The following AMPH variants were observed in gnomAD, a reference collection of about 807,000 sequenced individuals.
AMPH encodes amphiphysin (Stiff-Mann syndrome with breast cancer 128kD autoantigen).
In AMPH, 49 loss-of-function variants were observed where a neutral mutation model predicts 99.1. That is an observed-to-expected ratio of 0.49 (90% CI 0.39 to 0.63). The LOEUF (loss-of-function observed/expected upper bound fraction) is 0.63, where lower values mean the gene tolerates loss of function less well. Ranked by LOEUF, AMPH falls within the 20% of genes least tolerant of loss-of-function variation. AMPH has a pLI of 0.00. For missense variants in AMPH, 759 were observed against 863.4 expected, an observed-to-expected ratio of 0.88 and a Z score of 1.52; for synonymous variants, 314 against 317.3, an observed-to-expected ratio of 0.99 and a Z score of 0.11.
chr7:38,600,536 T>C (rs938172930), intron 1 of AMPH, among the ~76,000 whole-genome samples: 2 of 152,232 alleles, frequency 1.3e-5, no homozygotes, highest in Non-Finnish European at 2.9e-5. Context: ...ATAACTTCTA[T>C]ATATCTATTG....
At chr7:38,588,409 G>A (rs1792741975) in intron 1 of AMPH, among the ~76,000 whole-genome samples, 1 of 151,960 alleles carries the variant, frequency 6.6e-6, no homozygotes, top group Admixed American at 6.6e-5. Flanking sequence ...TTAAATCTTG[G>A]TTTCCTAGAT....
intron 14 of AMPH, chr7:38,428,224 T>A (rs1785857752): frequency 3.3e-5 from 15 of 456,752 alleles, no homozygotes; most frequent in Non-Finnish European, 5.7e-5. Flanking sequence ...ATATCCAAAT[T>A]ATTCATTGCT....
intron 17 of AMPH, among the ~76,000 whole-genome samples, chr7:38,398,160 A>G (rs1784729246): frequency 6.8e-6 from 1 of 146,682 alleles, no homozygotes. Context: ...TGATCCAGCA[A>G]TCCCACTGCT....
intron 7 of AMPH, among the ~76,000 whole-genome samples, chr7:38,471,581 G>A (rs1327188060): frequency 6.6e-6 from 1 of 152,008 alleles, no homozygotes; most frequent in East Asian, 1.9e-4. Context: ...AAGACATAAG[G>A]CACACGAAGC....
At chr7:38,569,618 A>T (rs558760827) in intron 1 of AMPH, among the ~76,000 whole-genome samples, 61 of 152,200 alleles carry the variant, frequency 4.0e-4, no homozygotes, top group African/African-American at 1.3e-3. Context: ...TATATATATA[A>T]AATGAAAACA....
intron 1 of AMPH, among the ~76,000 whole-genome samples, chr7:38,627,246 T>C (rs1794283981): frequency 6.6e-6 from 1 of 151,908 alleles, no homozygotes; most frequent in Non-Finnish European, 1.5e-5. Flanking sequence ...AAGAGTTCTG[T>C]AAAAATGCTG....
intron 2 of AMPH, among the ~76,000 whole-genome samples, chr7:38,511,255 C>T (rs965038407): frequency 4.6e-5 from 7 of 152,120 alleles, no homozygotes; most frequent in African/African-American, 1.7e-4. Context: ...TTCATAAATG[C>T]TTGATTGACC....
At chr7:38,497,108 A>C (rs534829053) in intron 3 of AMPH, among the ~76,000 whole-genome samples, 11 of 152,310 alleles carry the variant, frequency 7.2e-5, no homozygotes, top group African/African-American at 2.6e-4. Context: ...TTTTGAGAAC[A>C]TCTACTCCAT....
chr7:38,425,457 A>G (rs1785749931), intron 15 of AMPH, among the ~76,000 whole-genome samples: 1 of 152,258 alleles, frequency 6.6e-6, no homozygotes, highest in African/African-American at 2.4e-5. Context: ...ATCAAAAGGC[A>G]AATAAATTAG....
At chr7:38,607,710 C>T (rs1793482658) in intron 1 of AMPH, among the ~76,000 whole-genome samples, 1 of 152,086 alleles carries the variant, frequency 6.6e-6, no homozygotes, top group African/African-American at 2.4e-5. Context: ...GCAGGGGGTC[C>T]AGATGCTATA....
At chr7:38,577,281 C>T (rs565373681) in intron 1 of AMPH, among the ~76,000 whole-genome samples, 5 of 152,256 alleles carry the variant, frequency 3.3e-5, no homozygotes, top group East Asian at 3.9e-4. Flanking sequence ...TGGAGTAAAT[C>T]GCCTTACTCC....
chr7:38,554,516 A>G (rs1791294865), intron 1 of AMPH, among the ~76,000 whole-genome samples: 1 of 152,240 alleles, frequency 6.6e-6, no homozygotes, highest in South Asian at 2.1e-4. Context: ...ATGCCCAAAG[A>G]TAAGACTACA....
chr7:38,482,904 C>A (rs893630514), intron 5 of AMPH, among the ~76,000 whole-genome samples: 25 of 152,098 alleles, frequency 1.6e-4, no homozygotes, highest in Non-Finnish European at 4.4e-5. Context: ...TCCTTCCCCA[C>A]AAACATACAG....
rs922416784 is a variant in AMPH, at chr7:38,624,948, GA to G, written c.69+6334del. The stretch of plus-strand genomic sequence containing the variant: ...GTCAGCAGAATGGAGGAAACTATAA[GA>G]AAAAAAAAAGTGTGCCTATACAGGA... On this transcript the variant is annotated intron_variant, in intron 1 of 20. Coordinates refer to ENST00000356264, the MANE Select transcript of AMPH (RefSeq NM_001635.4). 1.2e-4 allele frequency among the ~76,000 whole-genome samples: 18 copies of G among 147,872 alleles called. No homozygotes were observed. The South Asian group carries it at 1.7e-3, about 14-fold the overall frequency.
intron 1 of AMPH, among the ~76,000 whole-genome samples, chr7:38,616,461 C>T (rs1864887): frequency 0.08 from 12,184 of 152,122 alleles, 805 homozygotes; most frequent in African/African-American, 0.17. Flanking sequence ...AGGGCCTACC[C>T]TAATGAATCA....
chr7:38,406,591 G>A (rs1004863534), intron 17 of AMPH, among the ~76,000 whole-genome samples: 1 of 151,916 alleles, frequency 6.6e-6, no homozygotes. Flanking sequence ...TTGAGTCAGT[G>A]GACTGGGAGA....
Position 38,422,480 on chromosome 7 carries a change from G to C in AMPH, c.1216-3C>G. ...GTGAATAATGAAGTATCCTGGGGCT[G>C]AAAATCAAGGATAAAAATAGAAGAT... is the stretch of plus-strand genomic sequence containing the variant. On this transcript the variant is annotated splice_region_variant and splice_polypyrimidine_tract_variant and intron_variant, in intron 15 of 20. Coordinates refer to ENST00000356264, the MANE Select transcript of AMPH (RefSeq NM_001635.4). 6.2e-7 allele frequency: 1 copy of C among 1,610,204 alleles called. No individual in the cohort carries two copies. The highest frequency in any genetic ancestry group is 8.5e-7 in the Non-Finnish European group (1 of 1,176,844).
At chr7:38,571,983 G>C (rs1028889468) in intron 1 of AMPH, among the ~76,000 whole-genome samples, 1 of 151,052 alleles carries the variant, frequency 6.6e-6, no homozygotes, top group Admixed American at 6.6e-5. Flanking sequence ...TCAGCTCACC[G>C]CAACCTCTGC....
intron 2 of AMPH, among the ~76,000 whole-genome samples, chr7:38,506,462 C>T (rs1789329243): frequency 6.6e-6 from 1 of 152,118 alleles, no homozygotes; most frequent in Non-Finnish European, 1.5e-5. Flanking sequence ...GAGAGAGAAG[C>T]AAGCTCCAGA....
Sources: allele counts gnomAD v4.1 joint callset (sites outside exome capture counted in the v4.1 genomes callset), GRCh38; gene constraint gnomAD v4.1.1; transcripts MANE v1.5; gene names NCBI Gene and HGNC (gene_info 2026-07-23, HGNC 2026-07-21).